The following XPNPEP2 variants were observed in gnomAD, a reference collection of about 807,000 sequenced individuals.
XPNPEP2 encodes the protein X-prolyl aminopeptidase 2.
Under a neutral mutation model 59.8 loss-of-function variants are expected in XPNPEP2, and 64 were observed. That is an observed-to-expected ratio of 1.07 (90% CI 0.87 to 1.32). The LOEUF (loss-of-function observed/expected upper bound fraction) is 1.32. XPNPEP2 is among the 40% of genes most tolerant of loss of function. The probability of loss-of-function intolerance (pLI) is 0.00; values close to 1 mark genes in which losing one functional copy is unlikely to be tolerated. For missense variants in XPNPEP2, 575 were observed against 546.8 expected (o/e 1.05, Z -0.51); for synonymous variants, 235 against 210.0 (o/e 1.12, Z -1.03).
intron 4 of XPNPEP2, 135 bp downstream of exon 4, chrX:129,745,401 C>A: frequency 3.0e-6 from 2 of 675,399 alleles, no homozygotes; most frequent in Non-Finnish European, 4.5e-6. Flanking sequence ...CTCTCTCTGT[C>A]TCCCTCCACC....
intron 5 of XPNPEP2, 68 bp from the exon 6 acceptor site, chrX:129,746,527 C>A (rs1431954197): frequency 2.8e-6 from 3 of 1,071,662 alleles, no homozygotes; most frequent in Non-Finnish European, 2.6e-6. Flanking sequence ...TCAGACAGAA[C>A]CCCTGGCTGG....
At chrX:129,755,215 T>A in intron 12 of XPNPEP2, 79 bp from the exon 13 acceptor site, 1 of 998,854 alleles carries the variant, frequency 1.0e-6, no homozygotes, top group Non-Finnish European at 1.4e-6. Context: ...ATGACCTTCA[T>A]TGGATTTGAT....
chrX:129,768,420 G>A lies in XPNPEP2; in HGVS notation c.1960G>A (p.Asp654Asn), dbSNP rs1926793213. Reference sequence around the variant, plus strand: ...AGAGCCCCTGGCCGCCAGGGCCCCAGACACCGCCTCCTGGGCCTCTGTGTT... The same window carrying A: ...AGAGCCCCTGGCCGCCAGGGCCCCAAACACCGCCTCCTGGGCCTCTGTGTT... ...HTEPLAARAP[D>N]TASWASVLVV... is the part of the protein sequence containing the mutation. Residue 654 changes from aspartate (D) to asparagine (N), a missense_variant, in exon 21 of 21, where the codon GAC (aspartate) becomes AAC (asparagine). Asp to Asn is a conservative substitution (Grantham distance 23). Coordinates refer to ENST00000371106, the MANE Select transcript of XPNPEP2 (RefSeq NM_003399.6). The A allele has an allele frequency of 1.7e-6, 2 of 1,208,542 alleles. No individual in the cohort carries two copies. The highest frequency in any genetic ancestry group is 2.2e-6 in the Non-Finnish European group (2 of 894,203).
At position 129,742,050 on chromosome X, in the gene XPNPEP2, C is replaced by A. The variant is rs189597731; in HGVS notation, c.50-58C>A. ...GGGGCGGGCTGAGAGGATACTCCTTCCCTCTCTAGGAACTAGCTGGTCCCC... is the reference window on the plus strand; with the variant it reads ...GGGGCGGGCTGAGAGGATACTCCTTACCTCTCTAGGAACTAGCTGGTCCCC... On this transcript the variant is annotated intron_variant, in intron 1 of 20. Coordinates refer to ENST00000371106, the MANE Select transcript of XPNPEP2 (RefSeq NM_003399.6). The A allele has an allele frequency of 1.3e-3, 1,429 of 1,096,642 alleles. 5 individuals are homozygous for A. In the African/African-American group the frequency reaches 0.023, roughly 18 times the overall value. 90.4% of individuals were successfully genotyped at this position (1,096,642 alleles called of 1,213,427 possible). A position where few individuals can be genotyped will look rare whatever the true frequency, so the allele number is the denominator to read the frequency against.
rs150879713 is a variant in XPNPEP2, at chrX:129,752,201, C to T, written c.873C>T (p.Asn291=). ...RFSSETLSYL[N]SSCTGPMCVQ... is the part of the protein sequence containing the mutation. Reference sequence around the variant, plus strand: ...GCTCCGAAACCTTGAGCTATCTGAACTCCAGTTGCACAGGCCCCATGTGTG... The same window carrying T: ...GCTCCGAAACCTTGAGCTATCTGAATTCCAGTTGCACAGGCCCCATGTGTG... Residue 291 remains asparagine (N), a synonymous_variant, in exon 10 of 21, where the codon AAC becomes AAT. Transcript: ENST00000371106. 8.9e-4 allele frequency: 1,074 copies of T among 1,201,965 alleles called. 8 individuals carry two copies. In the African/African-American group the frequency reaches 0.018, roughly 20 times the overall value.
chrX:129,754,690 A>T, intron 12 of XPNPEP2, 109 bp downstream of exon 12: 5 of 703,587 alleles, frequency 7.1e-6, no homozygotes, highest in African/African-American at 2.2e-5. Flanking sequence ...TCCTCCTCAT[A>T]TGCGTGCTGG....
chrX:129,764,512 G>A (rs146699142), intron 19 of XPNPEP2, among the ~76,000 whole-genome samples: 2,182 of 108,693 alleles, frequency 0.02, 31 homozygotes, highest in Non-Finnish European at 0.032. Flanking sequence ...AAAATTAGCC[G>A]GGTGTGGTGG....
At chrX:129,762,321 G>A (rs997786488) in intron 18 of XPNPEP2, among the ~76,000 whole-genome samples, 2 of 111,763 alleles carry the variant, frequency 1.8e-5, no homozygotes, top group Non-Finnish European at 3.8e-5. Context: ...GATCAGGTGC[G>A]TTCAGGGTGG....
At chrX:129,747,585 T>A (rs746683208) in intron 6 of XPNPEP2, 22 bp from the exon 7 acceptor site, 1 of 1,207,413 alleles carries the variant, frequency 8.3e-7, no homozygotes, top group Non-Finnish European at 1.1e-6. Flanking sequence ...AAGGGACAAG[T>A]GACTCCTTCT....
At chrX:129,748,516 C>T (rs186067502) in intron 7 of XPNPEP2, among the ~76,000 whole-genome samples, 1 of 111,899 alleles carries the variant, frequency 8.9e-6, no homozygotes, top group East Asian at 2.8e-4. Flanking sequence ...ATTGATCAAG[C>T]CAAGAGATCC....
At position 129,746,033 on chromosome X, in the gene XPNPEP2, C is replaced by A. The variant is rs184885746; in HGVS notation, c.299-203C>A. 4.5e-5 allele frequency among the ~76,000 whole-genome samples: 5 copies of A among 111,980 alleles called. No individual in the cohort carries two copies. The East Asian group carries it at 1.4e-3, about 31-fold the overall frequency. On this transcript the variant is annotated intron_variant, in intron 4 of 20. Transcript: ENST00000371106. ...CAGCCCTCAACACAAAGCAGAGGTGCCTGATTCAGGACACCTTTCTGCCAG... is the reference window on the plus strand; with the variant it reads ...CAGCCCTCAACACAAAGCAGAGGTGACTGATTCAGGACACCTTTCTGCCAG...
Position 129,761,201 on chromosome X carries a change from G to T in XPNPEP2, c.1528G>T (p.Ala510Ser), listed in dbSNP as rs1156701583. The change falls in exon 17 of 21, where the codon GCC becomes TCC. Residue 510 changes from alanine (A) to serine (S), a missense_variant. Coordinates refer to ENST00000371106, the MANE Select transcript of XPNPEP2 (RefSeq NM_003399.6). ...GRMVEAFARR[A>S]LWDAGLNYGH... ...AATGGTGGAGGCCTTTGCCCGCAGA[G>T]CCTTGTGGGATGCTGGTCTCAATTA... The T allele has an allele frequency of 1.7e-6, 2 of 1,210,576 alleles. No homozygotes were observed. The highest frequency in any genetic ancestry group is 3.5e-5 in the African/African-American group (2 of 57,317).
At chrX:129,745,390 ACTCT>A in intron 4 of XPNPEP2, 124 bp downstream of exon 4, 3 of 776,045 alleles carry the variant, frequency 3.9e-6, no homozygotes, top group Non-Finnish European at 5.7e-6. Context: ...AAACCCTTCT[ACTCT>A]CTCTGTCTCC....
chrX:129,748,012 A>T (rs756920178), intron 7 of XPNPEP2: 1 of 418,955 alleles, frequency 2.4e-6, no homozygotes, highest in Middle Eastern at 6.5e-4. Context: ...AACAAGATGG[A>T]GCAGGAAGGG....
chrX:129,765,810 G>C (rs1312709672), intron 19 of XPNPEP2, among the ~76,000 whole-genome samples: 3 of 109,606 alleles, frequency 2.7e-5, no homozygotes, highest in African/African-American at 1.0e-4. Flanking sequence ...GCTAATTTTT[G>C]TATTTTTAGT....
chrX:129,755,293 GAGA>G lies in XPNPEP2; in HGVS notation c.1222_1224del (p.Glu408del), dbSNP rs750022245. On this transcript the variant is annotated inframe_deletion and splice_region_variant, in exon 13 of 21. Transcript: ENST00000371106. Reference sequence around the variant, plus strand: ...ACCATGCCTTGCCTTGTACTTTCCAGAGAAGAACAGTTCTCCTCCGGACCCAGT... The same window carrying G: ...ACCATGCCTTGCCTTGTACTTTCCAGAGAACAGTTCTCCTCCGGACCCAGT... 4.6e-5 allele frequency: 56 copies of G among 1,209,845 alleles called. No homozygotes were observed. Among genetic ancestry groups the G allele is most frequent in the Non-Finnish European group, 6.0e-5 (54 of 894,959 alleles).
chrX:129,752,985 A>G (rs1201116695), intron 10 of XPNPEP2, among the ~76,000 whole-genome samples, 174 bp from the exon 11 acceptor site: 1 of 112,354 alleles, frequency 8.9e-6, no homozygotes, highest in Non-Finnish European at 1.9e-5. Context: ...AAACTAGGAA[A>G]GACAGAAAGC....
intron 14 of XPNPEP2, among the ~76,000 whole-genome samples, chrX:129,757,577 G>A (rs1352490092): frequency 3.7e-5 from 4 of 107,536 alleles, no homozygotes; most frequent in African/African-American, 1.0e-4. Context: ...AGGCCGAGGC[G>A]GGCAGATCAC....
In XPNPEP2 at chrX:129,745,240, G is replaced by A; in HGVS notation, c.272G>A (p.Trp91Ter). The A allele has an allele frequency of 8.3e-7, 1 of 1,211,720 alleles. No individual in the cohort carries two copies. The highest frequency in any genetic ancestry group is 1.1e-6 in the Non-Finnish European group (1 of 895,526). ...GGCCAACATGACGAGAGGCGTGCGT[G>A]GATTACAGGCTTTACAGGGTCTGCA... Reference protein sequence around the residue: ...YIGQHDERRAWITGFTGSAGT... With the variant: ...YIGQHDERRA Residue 91 changes from tryptophan (W) to a stop codon, truncating the protein, a stop_gained, in exon 4 of 21, where the codon TGG (tryptophan) becomes TAG (stop). Coordinates refer to ENST00000371106, the MANE Select transcript of XPNPEP2 (RefSeq NM_003399.6). LOFTEE classifies it high-confidence loss of function.
Sources: gnomAD v4.1 joint callset for allele counts (sites outside exome capture counted in the v4.1 genomes callset) on GRCh38, gnomAD v4.1.1 for gene constraint, MANE v1.5 for transcripts, NCBI Gene and HGNC (gene_info 2026-07-23, HGNC 2026-07-21) for gene names.